Variants in ABHD16A observed in about 807,000 individuals in gnomAD.
The protein encoded by ABHD16A is abhydrolase domain containing 16A, phospholipase.
In ABHD16A, 47 loss-of-function variants were observed where a neutral mutation model predicts 89.8. The observed-to-expected ratio is 0.52, with a 90% CI of 0.41 to 0.67. The LOEUF (loss-of-function observed/expected upper bound fraction) is 0.67, where lower values mean the gene tolerates loss of function less well. Among genes scored for constraint, ABHD16A ranks in the 30% least tolerant of loss-of-function variants. The pLI, the probability that ABHD16A is intolerant of heterozygous loss-of-function variation, is 0.00. For synonymous variants in ABHD16A, 251 were observed against 280.4 expected (o/e 0.90, Z 1.05); for missense variants, 580 against 734.6 (o/e 0.79, Z 2.43).
At chr6:31,697,762 C>T (rs1804537947) in intron 4 of ABHD16A, among the ~76,000 whole-genome samples, 1 of 152,204 alleles carries the variant, frequency 6.6e-6, no homozygotes, top group African/African-American at 2.4e-5. Context: ...CCTTTCACTG[C>T]TGAGCCACCT....
intron 1 of ABHD16A, 80 bp from the exon 2 acceptor site, chr6:31,702,210 G>T: frequency 1.4e-6 from 2 of 1,384,612 alleles, no homozygotes; most frequent in Non-Finnish European, 2.0e-6. Flanking sequence ...CCTGCTGTGT[G>T]TCCTCTGGTT....
Position 31,688,711 on chromosome 6 carries a change from G to T in ABHD16A, c.1250+12C>A. The T allele has an allele frequency of 6.2e-7, 1 of 1,612,776 alleles. No homozygotes were observed. Among genetic ancestry groups the T allele is most frequent in the Non-Finnish European group, 8.5e-7 (1 of 1,179,892 alleles). ...GGCAGGTGTTCAATGCCGGACGCTG[G>T]CCGGCCCTCACCTGCACAGCTGCTC... On this transcript the variant is annotated intron_variant, in intron 14 of 19. Transcript: ENST00000395952. The surrounding 1 kb of genome is among the most constrained non-coding windows in gnomAD (Gnocchi z 4.9).
chr6:31,697,004 G>A lies in ABHD16A; in HGVS notation c.373C>T (p.Arg125Trp), dbSNP rs746146186. 61 of 1,612,950 alleles carry A rather than the reference G, an allele frequency of 3.8e-5. No individual in the cohort carries two copies. Among genetic ancestry groups the A allele is most frequent in the Non-Finnish European group, 4.7e-5 (55 of 1,180,018 alleles). The change falls in exon 5 of 20, where the codon CGG becomes TGG. Residue 125 changes from arginine to tryptophan, a missense_variant. By Grantham distance (101) the Arg-to-Trp change is moderately radical. Around this residue, in one of 2 missense-constraint regions of ABHD16A, gnomAD observed 165 missense variants for 165.8 expected, o/e 1.00. Transcript: ENST00000395952. The stretch of plus-strand genomic sequence containing the variant: ...GCTTCCAAGATGGTGATGAACTGCC[G>A]GTACTGGGGGTTGGTCCAGCGGCCA... Reference protein sequence around the residue: ...GIGRWTNPQYRQFITILEATH... With the variant: ...GIGRWTNPQYWQFITILEATH...
At position 31,688,683 on chromosome 6, in the gene ABHD16A, G is replaced by A. The variant is rs962348613; in HGVS notation, c.1250+40C>T. 6.2e-7 allele frequency: 1 copy of A among 1,608,622 alleles called. No homozygotes were observed. The highest frequency in any genetic ancestry group is 8.5e-7 in the Non-Finnish European group (1 of 1,176,664). ...TTTGAGCGCCCAGCAGAGCTGTATG[G>A]GGGGCAGGTGTTCAATGCCGGACGC... On this transcript the variant is annotated intron_variant, in intron 14 of 19. Coordinates refer to ENST00000395952, the MANE Select transcript of ABHD16A (RefSeq NM_021160.3). The surrounding 1 kb of genome is among the most constrained non-coding windows in gnomAD (Gnocchi z 4.9).
intron 4 of ABHD16A, among the ~76,000 whole-genome samples, chr6:31,699,594 A>T (rs771947828): frequency 6.6e-6 from 1 of 151,888 alleles, no homozygotes; most frequent in Non-Finnish European, 1.5e-5. Context: ...TTATCTGGAG[A>T]CAGAGTCTCG....
Position 31,688,778 on chromosome 6 carries a change from C to A in ABHD16A, c.1195G>T (p.Val399Leu). 1 of 1,612,892 alleles carries A rather than the reference C, an allele frequency of 6.2e-7. No homozygotes were observed. Among genetic ancestry groups the A allele is most frequent in the Non-Finnish European group, 8.5e-7 (1 of 1,179,924 alleles). The change falls in exon 14 of 20, where the codon GTG becomes TTG. Residue 399 changes from valine to leucine, a missense_variant. Around this residue, in one of 2 missense-constraint regions of ABHD16A, gnomAD observed 415 missense variants for 568.8 expected, o/e 0.73. Coordinates refer to ENST00000395952, the MANE Select transcript of ABHD16A (RefSeq NM_021160.3). The surrounding 1 kb of genome is among the most constrained non-coding windows in gnomAD (Gnocchi z 4.9). ...KVMPDSWRGL[V>L]TRTVRQHLNL... ...AGATGCTGCCTCACGGTCCTGGTCACCAGGCCCCCTAGAGTGGGATAAAGG... is the reference window on the plus strand; with the variant it reads ...AGATGCTGCCTCACGGTCCTGGTCAACAGGCCCCCTAGAGTGGGATAAAGG...
chr6:31,703,239 T>C lies in ABHD16A; in HGVS notation c.43A>G (p.Lys15Glu). The change falls in exon 1 of 20, where the codon AAA becomes GAA. Residue 15 changes from lysine (K) to glutamate (E), a missense_variant. Transcript: ENST00000395952. ...LSCVLGPRLY[K>E]IYRERDSERA... ...TCAGAGTCCCTCTCCCGGTAGATTT[T>C]GTAGAGCCGGGGGCCTAGGACGCAG... 7.0e-7 allele frequency: 1 copy of C among 1,436,020 alleles called. No homozygotes were observed. The highest frequency in any genetic ancestry group is 1.5e-5 in the South Asian group (1 of 68,084). The allele number at this position is 1,436,020 out of a possible 1,614,324, so 89.0% of individuals were successfully genotyped here.
Position 31,688,666 on chromosome 6 carries a change from C to T in ABHD16A, c.1250+57G>A. On this transcript the variant is annotated intron_variant, in intron 14 of 19. Transcript: ENST00000395952. The surrounding 1 kb of genome is among the most constrained non-coding windows in gnomAD (Gnocchi z 4.9). Reference sequence around the variant, plus strand: ...TAGTACTAGTTTCAGGGTTTGAGCGCCCAGCAGAGCTGTATGGGGGGCAGG... The same window carrying T: ...TAGTACTAGTTTCAGGGTTTGAGCGTCCAGCAGAGCTGTATGGGGGGCAGG... 1 of 1,593,834 alleles carries T rather than the reference C, an allele frequency of 6.3e-7. No individual in the cohort carries two copies. Among genetic ancestry groups the T allele is most frequent in the South Asian group, 1.1e-5 (1 of 90,530 alleles).
chr6:31,699,940 G>A (rs954176112), intron 4 of ABHD16A, among the ~76,000 whole-genome samples: 1 of 151,962 alleles, frequency 6.6e-6, no homozygotes, highest in Non-Finnish European at 1.5e-5. Flanking sequence ...TAGAGACGGG[G>A]TTTCACCATG....
rs142430839 is a variant in ABHD16A, at chr6:31,689,605, C to A, written c.1057G>T (p.Ala353Ser). The A allele has an allele frequency of 3.5e-5, 56 of 1,607,830 alleles. No individual in the cohort carries two copies. The highest frequency in any genetic ancestry group is 1.7e-5 in the Admixed American group (1 of 59,344). Reference sequence around the variant, plus strand: ...CCAGTGAAGCCGCCGATGGACCAGGCGTAGATGATGATGTCCTGGGGCTGG... The same window carrying A: ...CCAGTGAAGCCGCCGATGGACCAGGAGTAGATGATGATGTCCTGGGGCTGG... The part of the protein sequence containing the change: ...GFQPQDIIIY[A>S]WSIGGFTATW... The change falls in exon 12 of 20, where the codon GCC (alanine) becomes TCC (serine). Residue 353 changes from alanine (A) to serine (S), a missense_variant. Ala to Ser is a moderately conservative substitution (Grantham distance 99, BLOSUM62 1). Around this residue, in one of 2 missense-constraint regions of ABHD16A, gnomAD observed 415 missense variants for 568.8 expected, o/e 0.73. Transcript: ENST00000395952.
intron 1 of ABHD16A, 47 bp downstream of exon 1, chr6:31,703,102 AG>A (rs1805188266): frequency 7.2e-7 from 1 of 1,379,914 alleles, no homozygotes; most frequent in Non-Finnish European, 9.4e-7. Flanking sequence ...AAGGCCGTAA[AG>A]GGTTTGGACT....
At chr6:31,696,430 G>A (rs951818004) in intron 5 of ABHD16A, among the ~76,000 whole-genome samples, 1 of 151,326 alleles carries the variant, frequency 6.6e-6, no homozygotes, top group African/African-American at 2.4e-5. Flanking sequence ...GTCATGAGTT[G>A]GAGACCAGCC....
chr6:31,687,304 A>T lies in ABHD16A; in HGVS notation c.1594-9T>A. ...TGCAGATGCTTCCGAGCCTGAGGAA[A>T]GGAGGTGGGACAGGTGGGGTACAGA... On this transcript the variant is annotated splice_polypyrimidine_tract_variant and intron_variant, in intron 19 of 19. Transcript: ENST00000395952. This position sits in a 1 kb window ranked among gnomAD's most constrained non-coding sequence, Gnocchi z 6.3. 1 of 1,612,822 alleles carries T rather than the reference A, an allele frequency of 6.2e-7. No homozygotes were observed.
rs772479646 is a variant in ABHD16A, at chr6:31,689,108, C to T, written c.1093G>A (p.Ala365Thr). 1 of 1,613,844 alleles carries T rather than the reference C, an allele frequency of 6.2e-7. No homozygotes were observed. The highest frequency in any genetic ancestry group is 1.1e-5 in the South Asian group (1 of 91,058). Residue 365 changes from alanine to threonine, a missense_variant, in exon 13 of 20, where the codon GCC (alanine) becomes ACC (threonine). By Grantham distance (58) the Ala-to-Thr change is moderately conservative. Coordinates refer to ENST00000395952, the MANE Select transcript of ABHD16A (RefSeq NM_021160.3). ...GCACTAACATCTGGGTAGGACATGG[C>T]TGCCCACGTGGCTGGTACCAGGGCA... ...SIGGFTATWAAMSYPDVSAMI... is the reference protein window; with the variant it reads ...SIGGFTATWATMSYPDVSAMI...
Position 31,690,625 on chromosome 6 carries a change from G to T in ABHD16A, c.844-23C>A. 6.2e-7 allele frequency: 1 copy of T among 1,611,992 alleles called. No homozygotes were observed. The highest frequency in any genetic ancestry group is 8.5e-7 in the Non-Finnish European group (1 of 1,179,210). ...CACCTAGGAAGGAGGCAGGAAGGAA[G>T]GGCTGGGGGGCCAAGTTGGGACTGA... On this transcript the variant is annotated intron_variant, in intron 9 of 19. Transcript: ENST00000395952. This position sits in a 1 kb window ranked among gnomAD's most constrained non-coding sequence, Gnocchi z 4.1.
chr6:31,701,214 T>C, intron 3 of ABHD16A, 60 bp downstream of exon 3: 2 of 1,525,224 alleles, frequency 1.3e-6, no homozygotes, highest in South Asian at 2.2e-5. Context: ...TTTAGGGAGC[T>C]GGCTCATCTG....
At chr6:31,702,783 G>A (rs1280735921) in intron 1 of ABHD16A, 1 of 1,466,326 alleles carries the variant, frequency 6.8e-7, no homozygotes. Context: ...AGGCACTGAA[G>A]AAGAGGAAAC....
chr6:31,696,506 G>A (rs934539206), intron 5 of ABHD16A, among the ~76,000 whole-genome samples: 1 of 151,810 alleles, frequency 6.6e-6, no homozygotes, highest in Non-Finnish European at 1.5e-5. Flanking sequence ...GGTGGTGCGT[G>A]CCTGTAATCC....
chr6:31,687,615 C>A lies in ABHD16A; in HGVS notation c.1546+27G>T. 1 of 1,612,968 alleles carries A rather than the reference C, an allele frequency of 6.2e-7. No homozygotes were observed. The highest frequency in any genetic ancestry group is 8.5e-7 in the Non-Finnish European group (1 of 1,179,974). ...ATCCCCTTCCTAGGCCCTTCCCACC[C>A]TCTCTCCTGCCCCAGGAGCTCCTTA... On this transcript the variant is annotated intron_variant, in intron 18 of 19. Coordinates refer to ENST00000395952, the MANE Select transcript of ABHD16A (RefSeq NM_021160.3). This position sits in a 1 kb window ranked among gnomAD's most constrained non-coding sequence, Gnocchi z 6.3.
Sources: allele counts gnomAD v4.1 joint callset (sites outside exome capture counted in the v4.1 genomes callset), GRCh38; gene constraint gnomAD v4.1.1; regional missense constraint gnomAD v4.1.1; non-coding constraint Gnocchi (gnomAD v3.1); transcripts MANE v1.5; gene names NCBI Gene and HGNC (gene_info 2026-07-23, HGNC 2026-07-21).